USP45: variants seen among roughly 807,000 people sequenced by gnomAD.
USP45 encodes the protein ubiquitin carboxyl-terminal hydrolase 45.
A neutral mutation model predicts 95.8 loss-of-function variants in USP45; 89 were observed. The ratio of observed to expected loss-of-function variants is 0.93; its 90% CI spans 0.78 to 1.11. USP45 has a LOEUF of 1.11. USP45 is among the 50% of genes least tolerant of loss of function. The probability of loss-of-function intolerance (pLI) is 0.00; values close to 1 mark genes in which losing one functional copy is unlikely to be tolerated. For synonymous variants in USP45, 281 were observed against 316.2 expected (o/e 0.89, Z 1.18); for missense variants, 898 against 942.5 (o/e 0.95, Z 0.62).
At chr6:99,464,795 T>C (rs1409454042) in intron 12 of USP45, 48 bp from the exon 13 acceptor site, 2 of 1,521,496 alleles carry the variant, frequency 1.3e-6, no homozygotes, top group African/African-American at 2.8e-5. Context: ...AGTAAATAAA[T>C]TCTGGATGTC....
At chr6:99,493,006 A>G (rs1043303185) in intron 5 of USP45, among the ~76,000 whole-genome samples, 1 of 152,132 alleles carries the variant, frequency 6.6e-6, no homozygotes, top group African/African-American at 2.4e-5. Flanking sequence ...GTAAACTAGT[A>G]AACAGCAGAG....
intron 9 of USP45, among the ~76,000 whole-genome samples, chr6:99,471,937 G>T (rs1161005781): frequency 6.6e-6 from 1 of 152,146 alleles, no homozygotes; most frequent in Non-Finnish European, 1.5e-5. Flanking sequence ...CCACAGACTT[G>T]ACATTTTAAT....
intron 8 of USP45, among the ~76,000 whole-genome samples, 160 bp from the exon 9 acceptor site, chr6:99,476,390 G>A (rs1399656275): frequency 6.6e-6 from 1 of 152,160 alleles, no homozygotes; most frequent in African/African-American, 2.4e-5. Flanking sequence ...CAGATCACTT[G>A]AGCTCAGGAG....
chr6:99,468,757 A>T lies in USP45; in HGVS notation c.934-139T>A, dbSNP rs911652039. The T allele has an allele frequency of 1.9e-4, 106 of 561,080 alleles. 1 individual carries two copies. Among genetic ancestry groups the T allele is most frequent in the African/African-American group, 1.2e-3 (64 of 52,332 alleles). 34.8% of individuals were successfully genotyped at this position (561,080 alleles called of 1,614,324 possible). On this transcript the variant is annotated intron_variant, in intron 9 of 17. Transcript: ENST00000500704. ...TGAAAATAAAATGACCAAATTTTTT[A>T]AAAAATGTAATTTCTTCCAGGTCTC...
intron 1 of USP45, among the ~76,000 whole-genome samples, chr6:99,511,870 T>C (rs868403735): frequency 1.0e-5 from 1 of 96,854 alleles, no homozygotes; most frequent in African/African-American, 3.2e-5. Flanking sequence ...TATATATATA[T>C]ATATATATAT....
chr6:99,492,976 G>A (rs574828005), intron 5 of USP45, among the ~76,000 whole-genome samples: 1 of 152,190 alleles, frequency 6.6e-6, no homozygotes, highest in South Asian at 2.1e-4. Context: ...TATGACTGGA[G>A]TATAAAGAAT....
At chr6:99,467,245 A>C (rs575335265) in intron 10 of USP45, among the ~76,000 whole-genome samples, 1 of 152,330 alleles carries the variant, frequency 6.6e-6, no homozygotes, top group Admixed American at 6.5e-5. Flanking sequence ...CTGCTCAGGA[A>C]ATATTTATAA....
intron 9 of USP45, among the ~76,000 whole-genome samples, chr6:99,469,542 A>C (rs1210081132): frequency 6.7e-6 from 1 of 148,984 alleles, no homozygotes; most frequent in African/African-American, 2.5e-5. Flanking sequence ...GCAGTGGTGT[A>C]ATCACTGCCC....
At chr6:99,462,132 A>C in intron 13 of USP45, 1 of 984,028 alleles carries the variant, frequency 1.0e-6, no homozygotes, top group Non-Finnish European at 1.2e-6. Flanking sequence ...AAAAAAAGGT[A>C]ACTCTATTAC....
intron 6 of USP45, 37 bp downstream of exon 6, chr6:99,488,644 T>A: frequency 6.4e-7 from 1 of 1,573,098 alleles, no homozygotes; most frequent in Non-Finnish European, 8.6e-7. Flanking sequence ...ATTAAGAGAA[T>A]CTTTTACATA....
intron 8 of USP45, among the ~76,000 whole-genome samples, chr6:99,479,915 TA>T (rs1791939210): frequency 6.6e-6 from 1 of 152,074 alleles, no homozygotes; most frequent in Admixed American, 6.6e-5. Context: ...GACAGTGATA[TA>T]AAATGAGAAA....
At chr6:99,443,742 T>A in intron 14 of USP45, 80 bp from the exon 15 acceptor site, 2 of 884,532 alleles carry the variant, frequency 2.3e-6, no homozygotes, top group Non-Finnish European at 3.3e-6. Context: ...TATACAGAAG[T>A]ATCATACCAC....
chr6:99,506,998 G>C (rs1798673404), intron 4 of USP45, among the ~76,000 whole-genome samples: 1 of 152,196 alleles, frequency 6.6e-6, no homozygotes, highest in African/African-American at 2.4e-5. Context: ...CTGAGCTCAG[G>C]AGTTCAAAGA....
At chr6:99,448,691 C>T (rs1783106609) in intron 13 of USP45, among the ~76,000 whole-genome samples, 1 of 152,148 alleles carries the variant, frequency 6.6e-6, no homozygotes, top group African/African-American at 2.4e-5. Context: ...CAAAGATACT[C>T]CTTGAGAAGA....
chr6:99,475,853 ACT>A (rs1790694563), intron 9 of USP45, among the ~76,000 whole-genome samples: 1 of 151,932 alleles, frequency 6.6e-6, no homozygotes, highest in Admixed American at 6.6e-5. Flanking sequence ...ACAGAGTCTC[ACT>A]CTGTCACCCA....
chr6:99,470,930 TA>T (rs1789245561), intron 9 of USP45, among the ~76,000 whole-genome samples: 1 of 152,188 alleles, frequency 6.6e-6, no homozygotes, highest in Non-Finnish European at 1.5e-5. Flanking sequence ...TTAAACATTT[TA>T]CTAATTCAGA....
intron 1 of USP45, among the ~76,000 whole-genome samples, chr6:99,513,438 AC>A (rs147000322): frequency 8.8e-4 from 134 of 152,312 alleles, no homozygotes; most frequent in African/African-American, 3.2e-3. Flanking sequence ...GATCTTTCTA[AC>A]CCCAAATTTG....
rs752277617 is a variant in USP45 at position 99,461,011 on chromosome 6, C to T, written c.1308+3593G>A. On this transcript the variant is annotated intron_variant, in intron 13 of 17. Coordinates refer to ENST00000500704, the MANE Select transcript of USP45 (RefSeq NM_001346022.3). ...AAAGAGCTTAATTGGCAAAACGCTG[C>T]GCAGCTAACAGGTGGTGGGAACCAA... 1.6e-4 allele frequency: 154 copies of T among 985,126 alleles called. 1 individual carries two copies. The highest frequency in any genetic ancestry group is 1.7e-4 in the Non-Finnish European group (145 of 829,896). The allele number at this position is 985,126 out of a possible 1,614,324, so 61.0% of individuals were successfully genotyped here. A position where few individuals can be genotyped will look rare whatever the true frequency, so the allele number is the denominator to read the frequency against.
At chr6:99,494,420 A>G (rs1795856565) in intron 5 of USP45, among the ~76,000 whole-genome samples, 1 of 152,210 alleles carries the variant, frequency 6.6e-6, no homozygotes, top group African/African-American at 2.4e-5. Flanking sequence ...TAGGTTTTGC[A>G]TGTACCTCAA....
Sources: gnomAD v4.1 joint callset for allele counts (sites outside exome capture counted in the v4.1 genomes callset) on GRCh38, gnomAD v4.1.1 for gene constraint, MANE v1.5 for transcripts, NCBI Gene and HGNC (gene_info 2026-07-23, HGNC 2026-07-21) for gene names.